The following SEMA4C variants were observed in gnomAD, a reference collection of about 807,000 sequenced individuals.
SEMA4C encodes the protein semaphorin 4C.
Under a neutral mutation model 89.0 loss-of-function variants are expected in SEMA4C, and 19 were observed. The observed-to-expected ratio is 0.21, with a 90% CI of 0.15 to 0.31. The LOEUF is 0.31. Among genes scored for constraint, SEMA4C ranks in the 10% least tolerant of loss-of-function variants. The pLI, the probability that SEMA4C is intolerant of heterozygous loss-of-function variation, is 1.00. For missense variants in SEMA4C, 811 were observed against 1,107.0 expected (o/e 0.73, Z 3.79); for synonymous variants, 428 against 472.7 (o/e 0.91, Z 1.23).
chr2:96,868,527 T>A (rs1328715806), intron 1 of SEMA4C: 3 of 985,132 alleles, frequency 3.0e-6, no homozygotes, highest in Non-Finnish European at 3.6e-6. Context: ...AGGGCAGGAG[T>A]GTGAGAAGGG....
At position 96,861,008 on chromosome 2, in the gene SEMA4C, T is replaced by C; in HGVS notation, c.2120A>G (p.Tyr707Cys). 1 of 1,612,686 alleles carries C rather than the reference T, an allele frequency of 6.2e-7. No individual in the cohort carries two copies. The highest frequency in any genetic ancestry group is 8.5e-7 in the Non-Finnish European group (1 of 1,179,956). Residue 707 changes from tyrosine (Y) to cysteine (C), a missense_variant, in exon 15 of 15, where the codon TAC becomes TGC. This residue lies in a region of SEMA4C where 248 missense variants were observed against 269.0 expected (regional missense o/e 0.92). Transcript: ENST00000305476. This position sits in a 1 kb window ranked among gnomAD's most constrained non-coding sequence, Gnocchi z 7.8. The part of the protein sequence containing the change: ...GAKATERTLV[Y>C]PLELPKEPTS... ...GGGCTCCTTGGGCAGCTCCAGGGGG[T>C]ACACCAAGGTCCTCTCAGTAGCCTT...
intron 2 of SEMA4C, 178 bp from the exon 3 acceptor site, chr2:96,866,609 C>T (rs770243265): frequency 1.2e-6 from 1 of 845,460 alleles, no homozygotes; most frequent in African/African-American, 1.7e-5. Flanking sequence ...CTGGGCCTCC[C>T]TAGCCTTTCC....
intron 2 of SEMA4C, 147 bp downstream of exon 2, chr2:96,867,631 C>T: frequency 1.2e-6 from 1 of 846,232 alleles, no homozygotes; most frequent in Non-Finnish European, 1.9e-6. Flanking sequence ...GGAGGCTAAT[C>T]CCAGGTCCCA....
At position 96,864,677 on chromosome 2, in the gene SEMA4C, C is replaced by T. The variant is rs1427645728; in HGVS notation, c.962+28G>A. The stretch of plus-strand genomic sequence containing the variant: ...CCTGACCTGAACCCCAGCTCCTCCC[C>T]ACTCTGTGGGAGCCCTGGCCAACTC... On this transcript the variant is annotated intron_variant, in intron 9 of 14. Transcript: ENST00000305476. The surrounding 1 kb of genome is among the most constrained non-coding windows in gnomAD (Gnocchi z 6.3). 1 of 1,584,188 alleles carries T rather than the reference C, an allele frequency of 6.3e-7. No homozygotes were observed. The highest frequency in any genetic ancestry group is 8.6e-7 in the Non-Finnish European group (1 of 1,161,916).
intron 1 of SEMA4C, chr2:96,868,809 C>T: frequency 1.0e-6 from 1 of 985,306 alleles, no homozygotes; most frequent in Non-Finnish European, 1.2e-6. Context: ...CGCGCACGGC[C>T]GGCACCCGCT....
Position 96,861,253 on chromosome 2 carries a change from G to A in SEMA4C, c.1875C>T (p.Tyr625=), listed in dbSNP as rs373875815. 119 of 1,610,110 alleles carry A rather than the reference G, an allele frequency of 7.4e-5. No homozygotes were observed. Among genetic ancestry groups the A allele is most frequent in the Middle Eastern group, 3.3e-4 (2 of 6,082 alleles). Residue 625 remains tyrosine (Y), a synonymous_variant, in exon 15 of 15, where the codon TAC becomes TAT. Coordinates refer to ENST00000305476, the MANE Select transcript of SEMA4C (RefSeq NM_017789.5). This position sits in a 1 kb window ranked among gnomAD's most constrained non-coding sequence, Gnocchi z 7.8. ...MAAQPRHAGA[Y]HCFSEEQGAR... is the part of the protein sequence containing the mutation. ...CCCCCTGCTCCTCTGAAAAGCAGTG[G>A]TAGGCCCCGGCATGGCGGGGCTGGG...
In SEMA4C at chr2:96,864,416, C is replaced by A. The variant is rs1350551564; in HGVS notation, c.963-34G>T. Reference sequence around the variant, plus strand: ...GCGAGAGGGAGCCCAGGGTCAGGTACCCACCTTATCTCTTCCCACCCCAGC... The same window carrying A: ...GCGAGAGGGAGCCCAGGGTCAGGTAACCACCTTATCTCTTCCCACCCCAGC... On this transcript the variant is annotated intron_variant, in intron 9 of 14. Coordinates refer to ENST00000305476, the MANE Select transcript of SEMA4C (RefSeq NM_017789.5). The surrounding 1 kb of genome is among the most constrained non-coding windows in gnomAD (Gnocchi z 6.3). The A allele has an allele frequency of 1.2e-6, 2 of 1,609,578 alleles. No homozygotes were observed. The highest frequency in any genetic ancestry group is 1.7e-6 in the Non-Finnish European group (2 of 1,179,568).
intron 4 of SEMA4C, 27 bp from the exon 5 acceptor site, chr2:96,865,791 T>TGAGAG: frequency 1.2e-6 from 2 of 1,613,784 alleles, no homozygotes; most frequent in Non-Finnish European, 1.7e-6. Flanking sequence ...GTCCGGTTAG[T>TGAGAG]GAGAGCGCGA....
Position 96,868,466 on chromosome 2 carries a change from C to T in SEMA4C, c.-37-543G>A. The T allele has an allele frequency of 5.0e-6, 5 of 994,440 alleles. No individual in the cohort carries two copies. In the South Asian group the frequency reaches 2.2e-4, roughly 45 times the overall value. 61.6% of individuals were successfully genotyped at this position (994,440 alleles called of 1,614,324 possible). A position where few individuals can be genotyped will look rare whatever the true frequency, so the allele number is the denominator to read the frequency against. On this transcript the variant is annotated intron_variant, in intron 1 of 14. Coordinates refer to ENST00000305476, the MANE Select transcript of SEMA4C (RefSeq NM_017789.5). ...GTCCCGGTCCCGGCCTGTCCCCTTC[C>T]CCAGCGCAGACAATAGCCCTGCAGA...
intron 1 of SEMA4C, chr2:96,869,106 C>T: frequency 1.0e-6 from 1 of 985,366 alleles, no homozygotes; most frequent in Non-Finnish European, 1.2e-6. Context: ...CCTGTCGGCC[C>T]AGAGCCCCGG....
At position 96,860,994 on chromosome 2, in the gene SEMA4C, G is replaced by A; in HGVS notation, c.2134C>T (p.Pro712Ser). ...AAGGGGGGACTGGTGGGCTCCTTGG[G>A]CAGCTCCAGGGGGTACACCAAGGTC... is the stretch of plus-strand genomic sequence containing the variant. ...ERTLVYPLEL[P>S]KEPTSPPFRP... The change falls in exon 15 of 15, where the codon CCC becomes TCC. Residue 712 changes from proline (P) to serine (S), a missense_variant. Around this residue, in one of 4 missense-constraint regions of SEMA4C, gnomAD observed 248 missense variants for 269.0 expected, o/e 0.92. Coordinates refer to ENST00000305476, the MANE Select transcript of SEMA4C (RefSeq NM_017789.5). 1 of 1,612,924 alleles carries A rather than the reference G, an allele frequency of 6.2e-7. No individual in the cohort carries two copies. Among genetic ancestry groups the A allele is most frequent in the South Asian group, 1.1e-5 (1 of 91,086 alleles).
intron 12 of SEMA4C, chr2:96,863,045 C>CAA (rs1369240920): frequency 3.6e-5 from 6 of 165,312 alleles, no homozygotes; most frequent in Non-Finnish European, 7.4e-5. Context: ...AAAACAAAAA[C>CAA]AAAAACAAAA....
Position 96,861,645 on chromosome 2 carries a change from G to A in SEMA4C, c.1606C>T (p.Leu536=). ...GAGGTCATCACATGCTGGATCAGTA[G>A]AGATCTGGTAGGGGATGTAGGGTAC... is the stretch of plus-strand genomic sequence containing the variant. ...CVAVGGHSGS[L]LIQHVMTSDT... The change falls in exon 14 of 15, where the codon CTA becomes TTA. Residue 536 remains leucine (L), a synonymous_variant. Transcript: ENST00000305476. This position sits in a 1 kb window ranked among gnomAD's most constrained non-coding sequence, Gnocchi z 7.8. 6.3e-7 allele frequency: 1 copy of A among 1,581,154 alleles called. No individual in the cohort carries two copies. Among genetic ancestry groups the A allele is most frequent in the South Asian group, 1.2e-5 (1 of 86,304 alleles).
chr2:96,865,366 C>A, intron 6 of SEMA4C, 46 bp from the exon 7 acceptor site: 1 of 1,611,658 alleles, frequency 6.2e-7, no homozygotes, highest in South Asian at 1.1e-5. Flanking sequence ...GGTATGGACA[C>A]ATCCGGCCAA....
chr2:96,869,011 G>A (rs2080146698), intron 1 of SEMA4C: 1 of 985,362 alleles, frequency 1.0e-6, no homozygotes, highest in Non-Finnish European at 1.2e-6. Context: ...GTCCCCCCGG[G>A]TTCTCCCCTC....
chr2:96,868,612 C>A, intron 1 of SEMA4C: 1 of 985,560 alleles, frequency 1.0e-6, no homozygotes, highest in Non-Finnish European at 1.2e-6. Flanking sequence ...GTGGGATGGG[C>A]GTGGAAATGA....
chr2:96,869,746 C>T, intron 1 of SEMA4C, 130 bp downstream of exon 1: 1 of 985,438 alleles, frequency 1.0e-6, no homozygotes, highest in Non-Finnish European at 1.2e-6. Context: ...CAGCCGTCTC[C>T]GCCGCCGCGG....
rs149629269 is a variant in SEMA4C, at chr2:96,861,181, C to T, written c.1947G>A (p.Pro649=). The change falls in exon 15 of 15, where the codon CCG becomes CCA. Residue 649 remains proline, a synonymous_variant. Transcript: ENST00000305476. The surrounding 1 kb of genome is among the most constrained non-coding windows in gnomAD (Gnocchi z 7.8). The part of the protein sequence containing the change: ...EGYLVAVVAG[P]SVTLEARAPL... Reference sequence around the variant, plus strand: ...GGGCCCGGGCCTCCAAGGTCACCGACGGGCCTGCCACGACAGCCACAAGGT... The same window carrying T: ...GGGCCCGGGCCTCCAAGGTCACCGATGGGCCTGCCACGACAGCCACAAGGT... 10,034 of 1,609,556 alleles carry T rather than the reference C, an allele frequency of 6.2e-3. 46 individuals are homozygous for T. The highest frequency in any genetic ancestry group is 0.017 in the Middle Eastern group (103 of 6,058).
rs754535070 is a variant in SEMA4C at position 96,865,158 on chromosome 2, G to A, written c.635-43C>T. 44 of 1,602,072 alleles carry A rather than the reference G, an allele frequency of 2.7e-5. 1 individual carries two copies. Among genetic ancestry groups the A allele is most frequent in the South Asian group, 1.9e-4 (17 of 89,720 alleles). On this transcript the variant is annotated intron_variant, in intron 7 of 14. Transcript: ENST00000305476. ...GGTCAGCAGGGAGGGGCTGGGCCCCGGGGGACCTCCCACCCATGGCTCCCA... is the reference window on the plus strand; with the variant it reads ...GGTCAGCAGGGAGGGGCTGGGCCCCAGGGGACCTCCCACCCATGGCTCCCA...
Sources: gnomAD v4.1 joint callset for allele counts on GRCh38, gnomAD v4.1.1 for gene constraint, gnomAD v4.1.1 regional missense constraint, Gnocchi (gnomAD v3.1) non-coding constraint, MANE v1.5 for transcripts, NCBI Gene and HGNC (gene_info 2026-07-23, HGNC 2026-07-21) for gene names.